The following MYO5B variants were observed in gnomAD, a reference collection of about 807,000 sequenced individuals.
MYO5B encodes the protein myosin VB.
In MYO5B, 143 loss-of-function variants were observed where a neutral mutation model predicts 229.3. The observed-to-expected ratio is 0.62, with a 90% confidence interval of 0.54 to 0.72. The LOEUF (loss-of-function observed/expected upper bound fraction) is 0.72, where lower values mean the gene tolerates loss of function less well. MYO5B is among the 30% of genes least tolerant of loss of function. The pLI is 0.00. For missense variants in MYO5B, 2,321 were observed against 2,331.0 expected, an observed-to-expected ratio of 1.00 and a Z score of 0.09; for synonymous variants, 918 against 885.2, an observed-to-expected ratio of 1.04 and a Z score of -0.66.
chr18:50,124,673 C>G (rs2032127895), intron 1 of MYO5B, among the ~76,000 whole-genome samples: 1 of 152,168 alleles, frequency 6.6e-6, no homozygotes, highest in African/African-American at 2.4e-5. Context: ...ATGCATAAAC[C>G]TGCTGTGAGC....
In MYO5B at chr18:50,001,321, G is replaced by T. The variant is rs935971328; in HGVS notation, c.546C>A (p.Thr182=). Residue 182 remains threonine, a synonymous_variant, in exon 5 of 40, where the codon ACC becomes ACA. Transcript: ENST00000285039. ...SAKYAMRYFA[T]VGGSASETNI... is the part of the protein sequence containing the mutation. ...TGGTTTCACTGGCCGAGCCACCAACGGTGGCGAAATAGCGCATGGCATACT... is the reference window on the plus strand; with the variant it reads ...TGGTTTCACTGGCCGAGCCACCAACTGTGGCGAAATAGCGCATGGCATACT... 6.2e-7 allele frequency: 1 copy of T among 1,614,204 alleles called. No individual in the cohort carries two copies. The highest frequency in any genetic ancestry group is 8.5e-7 in the Non-Finnish European group (1 of 1,180,028).
intron 4 of MYO5B, among the ~76,000 whole-genome samples, chr18:50,020,786 A>C (rs1057057804): frequency 4.6e-5 from 7 of 152,242 alleles, no homozygotes; most frequent in Non-Finnish European, 2.9e-5. Context: ...TCTCTACCAG[A>C]AAATATATGT....
At chr18:50,177,993 A>G (rs1173648183) in intron 1 of MYO5B, among the ~76,000 whole-genome samples, 1 of 152,252 alleles carries the variant, frequency 6.6e-6, no homozygotes, top group Non-Finnish European at 1.5e-5. Flanking sequence ...ACTCCTGAAT[A>G]GCACTTATTG....
At chr18:49,862,779 G>C (rs949518305) in intron 29 of MYO5B, among the ~76,000 whole-genome samples, 1 of 152,144 alleles carries the variant, frequency 6.6e-6, no homozygotes, top group Non-Finnish European at 1.5e-5. Flanking sequence ...GCCCAGCTTG[G>C]GTTCCATCTG....
intron 1 of MYO5B, among the ~76,000 whole-genome samples, chr18:50,110,855 A>G (rs2144516722): frequency 6.6e-6 from 1 of 152,340 alleles, no homozygotes; most frequent in East Asian, 1.9e-4. Flanking sequence ...AATTAGATAA[A>G]GGAGAAAGCA....
chr18:49,870,918 C>A (rs1318890155), intron 27 of MYO5B, among the ~76,000 whole-genome samples: 1 of 152,166 alleles, frequency 6.6e-6, no homozygotes, highest in African/African-American at 2.4e-5. Flanking sequence ...AGGATGGCCA[C>A]ATGATTCAGC....
At chr18:49,864,043 G>C in intron 28 of MYO5B, 98 bp downstream of exon 28, 1 of 1,556,496 alleles carries the variant, frequency 6.4e-7, no homozygotes, top group Non-Finnish European at 8.7e-7. Flanking sequence ...TGCTCTTTCA[G>C]GTTTTAGACC....
chr18:50,015,600 C>A (rs1598954662), intron 4 of MYO5B, among the ~76,000 whole-genome samples: 1 of 152,196 alleles, frequency 6.6e-6, no homozygotes, highest in East Asian at 1.9e-4. Context: ...GTTAAATATT[C>A]TGTTGGCGCA....
rs58085202 is a variant in MYO5B at position 50,119,792 on chromosome 18, G to A, written c.28-64414C>T. On this transcript the variant is annotated intron_variant, in intron 1 of 39. Transcript: ENST00000285039. ...CAAGTACTTGTCCCAGAGCTTCAAAGAAAATTTTTAAAGAAAATAAGCTAG... is the reference window on the plus strand; with the variant it reads ...CAAGTACTTGTCCCAGAGCTTCAAAAAAAATTTTTAAAGAAAATAAGCTAG... Among the ~76,000 whole-genome samples the A allele has an allele frequency of 8.9e-3, 1,353 of 152,152 alleles. 13 individuals are homozygous for A. The highest frequency in any genetic ancestry group is 0.031 in the African/African-American group (1,270 of 41,474).
chr18:49,991,562 G>T (rs2025932771), intron 6 of MYO5B, among the ~76,000 whole-genome samples: 1 of 152,132 alleles, frequency 6.6e-6, no homozygotes, highest in African/African-American at 2.4e-5. Flanking sequence ...GAAACTAAAG[G>T]TAAGCGAAGA....
intron 27 of MYO5B, 147 bp from the exon 28 acceptor site, chr18:49,864,527 G>T: frequency 8.5e-7 from 1 of 1,172,070 alleles, no homozygotes; most frequent in Non-Finnish European, 1.2e-6. Context: ...ACTGCCATCA[G>T]CAAGCAGTCA....
At chr18:50,089,332 C>T (rs187479663) in intron 1 of MYO5B, among the ~76,000 whole-genome samples, 188 of 152,046 alleles carry the variant, frequency 1.2e-3, no homozygotes, top group Non-Finnish European at 2.2e-3. Context: ...GAGCCAAGAT[C>T]GCACCACTGC....
intron 1 of MYO5B, among the ~76,000 whole-genome samples, chr18:50,111,465 T>A (rs913676411): frequency 2.6e-5 from 4 of 152,038 alleles, no homozygotes; most frequent in African/African-American, 9.7e-5. Context: ...TGGTTCTCAT[T>A]CTCTTTGAAA....
intron 1 of MYO5B, among the ~76,000 whole-genome samples, chr18:50,111,582 A>G (rs1290595431): frequency 1.3e-5 from 2 of 152,202 alleles, no homozygotes; most frequent in Admixed American, 6.5e-5. Flanking sequence ...CTAAAACCCT[A>G]TCTTCCTTAA....
chr18:49,924,738 C>A (rs1014057230), intron 17 of MYO5B, among the ~76,000 whole-genome samples: 1 of 152,190 alleles, frequency 6.6e-6, no homozygotes, highest in Non-Finnish European at 1.5e-5. Context: ...AATGGCAGGT[C>A]TAGGCCTAAC....
intron 14 of MYO5B, among the ~76,000 whole-genome samples, chr18:49,949,626 G>A (rs2025411838): frequency 6.6e-6 from 1 of 152,014 alleles, no homozygotes; most frequent in Non-Finnish European, 1.5e-5. Context: ...AATTATTCAT[G>A]ATGACTTGTT....
intron 17 of MYO5B, among the ~76,000 whole-genome samples, chr18:49,915,930 A>G (rs2025009178): frequency 6.6e-6 from 1 of 152,184 alleles, no homozygotes; most frequent in Non-Finnish European, 1.5e-5. Context: ...GGTAAGAATC[A>G]GGTGGAAGAA....
chr18:49,922,629 C>T (rs1460091510), intron 17 of MYO5B, among the ~76,000 whole-genome samples: 1 of 151,984 alleles, frequency 6.6e-6, no homozygotes, highest in Non-Finnish European at 1.5e-5. Flanking sequence ...TTTAGCAAAA[C>T]TTGCTAAGAT....
At chr18:50,003,982 G>A (rs1468375445) in intron 4 of MYO5B, among the ~76,000 whole-genome samples, 1 of 152,156 alleles carries the variant, frequency 6.6e-6, no homozygotes, top group Non-Finnish European at 1.5e-5. Flanking sequence ...GGACTACAAG[G>A]AGACCCAGTT....
Sources: gnomAD v4.1 joint callset for allele counts (sites outside exome capture counted in the v4.1 genomes callset) on GRCh38, gnomAD v4.1.1 for gene constraint, MANE v1.5 for transcripts, NCBI Gene and HGNC (gene_info 2026-07-23, HGNC 2026-07-21) for gene names.